Variants in CSMD3 observed in about 807,000 individuals in gnomAD.
The protein encoded by CSMD3 is CUB and sushi domain-containing protein 3.
Under a neutral mutation model 435.2 loss-of-function variants are expected in CSMD3, and 177 were observed. The ratio of observed to expected loss-of-function variants is 0.41; its 90% CI spans 0.36 to 0.46. The LOEUF (loss-of-function observed/expected upper bound fraction) is 0.46, where lower values mean the gene tolerates loss of function less well. Among genes scored for constraint, CSMD3 ranks in the 20% least tolerant of loss-of-function variants. The pLI is 0.34. For missense variants in CSMD3, 4,265 were observed against 4,504.6 expected (o/e 0.95, Z 1.52); for synonymous variants, 1,656 against 1,520.5 (o/e 1.09, Z -2.07).
At chr8:112,530,959 GC>G (rs1825469665) in intron 27 of CSMD3, among the ~76,000 whole-genome samples, 1 of 152,110 alleles carries the variant, frequency 6.6e-6, no homozygotes, top group Non-Finnish European at 1.5e-5. Context: ...CTTTGGGTGA[GC>G]CCCAGTGCTG....
At chr8:113,139,578 T>G (rs2091498367) in intron 4 of CSMD3, among the ~76,000 whole-genome samples, 1 of 151,036 alleles carries the variant, frequency 6.6e-6, no homozygotes, top group Non-Finnish European at 1.5e-5. Context: ...CTAATAAAAC[T>G]GTAAGAAATA....
chr8:113,090,297 G>T (rs2089959319), intron 5 of CSMD3, among the ~76,000 whole-genome samples: 1 of 151,978 alleles, frequency 6.6e-6, no homozygotes, highest in South Asian at 2.1e-4. Context: ...CCTAAATCAA[G>T]AAATTATATT....
In CSMD3 at chr8:112,233,585, C is replaced by T. The variant is rs1813290605; in HGVS notation, c.10740+780G>A. On this transcript the variant is annotated intron_variant, in intron 68 of 70. Coordinates refer to ENST00000297405, the MANE Select transcript of CSMD3 (RefSeq NM_198123.2). Reference sequence around the variant, plus strand: ...CCTACTAGATGGTAGGCTTCTTGAACTTATTGAAGGCTTATTGAAACTTAT... The same window carrying T: ...CCTACTAGATGGTAGGCTTCTTGAATTTATTGAAGGCTTATTGAAACTTAT... Among the ~76,000 whole-genome samples the T allele has an allele frequency of 2.0e-5, 3 of 152,094 alleles. No homozygotes were observed. The South Asian group carries it at 6.2e-4, about 31-fold the overall frequency.
chr8:112,400,396 A>T (rs904821314), intron 35 of CSMD3, among the ~76,000 whole-genome samples: 1 of 152,200 alleles, frequency 6.6e-6, no homozygotes, highest in African/African-American at 2.4e-5. Flanking sequence ...TAGAATTTTT[A>T]CATAAAAAAT....
At chr8:112,653,286 C>G (rs78340999) in intron 18 of CSMD3, among the ~76,000 whole-genome samples, 10 of 151,988 alleles carry the variant, frequency 6.6e-5, no homozygotes, top group African/African-American at 2.4e-4. Context: ...TGTAATACAA[C>G]GTTTGAACAT....
intron 3 of CSMD3, among the ~76,000 whole-genome samples, chr8:113,190,529 A>C (rs1363057911): frequency 6.6e-6 from 1 of 151,766 alleles, no homozygotes. Context: ...ACAGAATGCC[A>C]AAACAAAGCC....
intron 28 of CSMD3, among the ~76,000 whole-genome samples, chr8:112,512,053 G>A (rs1823199840): frequency 6.6e-6 from 1 of 152,136 alleles, no homozygotes; most frequent in Non-Finnish European, 1.5e-5. Flanking sequence ...CACATCTGCA[G>A]TTTCTTCTTC....
chr8:112,896,230 T>C (rs991390372), intron 10 of CSMD3, among the ~76,000 whole-genome samples: 6 of 151,366 alleles, frequency 4.0e-5, no homozygotes, highest in East Asian at 2.0e-4. Flanking sequence ...CATGTGGGTG[T>C]TCTGGCCACA....
intron 31 of CSMD3, among the ~76,000 whole-genome samples, chr8:112,482,564 A>T (rs932926001): frequency 1.8e-4 from 27 of 152,186 alleles, no homozygotes. Context: ...TCCTGGAAAC[A>T]GCTAACTTTT....
chr8:113,427,485 C>T (rs2094642625), intron 1 of CSMD3, among the ~76,000 whole-genome samples: 1 of 142,114 alleles, frequency 7.0e-6, no homozygotes, highest in African/African-American at 2.6e-5. Context: ...CCAATTATGT[C>T]TAAAAAAAAA....
intron 35 of CSMD3, among the ~76,000 whole-genome samples, chr8:112,395,282 G>A (rs1183897783): frequency 6.6e-6 from 1 of 152,068 alleles, no homozygotes; most frequent in Non-Finnish European, 1.5e-5. Flanking sequence ...CTGTAAAATA[G>A]AGATAATTAT....
chr8:112,956,962 TAAC>T (rs1372425698), intron 7 of CSMD3, among the ~76,000 whole-genome samples: 7 of 152,088 alleles, frequency 4.6e-5, no homozygotes, highest in African/African-American at 1.7e-4. Context: ...AAGTGTGAAT[TAAC>T]AACATAAAAT....
At chr8:112,381,337 AT>A (rs1350050599) in intron 37 of CSMD3, among the ~76,000 whole-genome samples, 4 of 152,302 alleles carry the variant, frequency 2.6e-5, no homozygotes, top group Admixed American at 1.3e-4. Context: ...AATTTATTTT[AT>A]TAAGTTATTG....
intron 4 of CSMD3, among the ~76,000 whole-genome samples, chr8:113,129,259 T>C (rs1388690305): frequency 2.0e-5 from 3 of 152,110 alleles, no homozygotes; most frequent in African/African-American, 7.2e-5. Flanking sequence ...TGGGGGATAT[T>C]CCCACCATTT....
At chr8:112,992,232 C>G (rs993319174) in intron 6 of CSMD3, among the ~76,000 whole-genome samples, 2 of 151,508 alleles carry the variant, frequency 1.3e-5, no homozygotes, top group Non-Finnish European at 3.0e-5. Context: ...CTTTCTTTCT[C>G]CCTCTCCTTC....
intron 3 of CSMD3, among the ~76,000 whole-genome samples, chr8:113,193,270 T>C (rs1476755042): frequency 6.6e-6 from 1 of 151,288 alleles, no homozygotes; most frequent in African/African-American, 2.4e-5. Flanking sequence ...ACCTCCAATA[T>C]TTAGCTGAGG....
chr8:112,637,551 A>G, intron 21 of CSMD3, among the ~76,000 whole-genome samples: 1 of 152,152 alleles, frequency 6.6e-6, no homozygotes, highest in East Asian at 1.9e-4. Context: ...CTATTGTATT[A>G]TGGATTTTTA....
At chr8:113,389,864 G>T (rs188460669) in intron 1 of CSMD3, among the ~76,000 whole-genome samples, 10 of 151,862 alleles carry the variant, frequency 6.6e-5, no homozygotes, top group Admixed American at 4.6e-4. Context: ...CACAGTAAAA[G>T]TGCCCACCTT....
At chr8:112,903,151 C>CAAAAAAAAAAAA (rs763330055) in intron 10 of CSMD3, among the ~76,000 whole-genome samples, 34 of 53,764 alleles carry the variant, frequency 6.3e-4, no homozygotes, top group South Asian at 9.3e-4. Flanking sequence ...GCAGTCTTGG[C>CAAAAAAAAAAAA]AAAAAAAAAA....
Sources: gnomAD v4.1 joint callset for allele counts (sites outside exome capture counted in the v4.1 genomes callset) on GRCh38, gnomAD v4.1.1 for gene constraint, MANE v1.5 for transcripts, NCBI Gene and HGNC (gene_info 2026-07-23, HGNC 2026-07-21) for gene names.